Variants in MLIP observed in about 807,000 individuals in gnomAD.
MLIP encodes muscular LMNA-interacting protein.
In MLIP, 79 loss-of-function variants were observed where a neutral mutation model predicts 84.8. The observed-to-expected ratio is 0.93, with a 90% confidence interval of 0.78 to 1.12. The LOEUF (loss-of-function observed/expected upper bound fraction) is 1.12. Among genes scored for constraint, MLIP ranks in the 50% most tolerant of loss-of-function variants. The pLI is 0.00. For synonymous variants in MLIP, 504 were observed against 463.0 expected, an observed-to-expected ratio of 1.09 and a Z score of -1.14; for missense variants, 1,257 against 1,160.6, an observed-to-expected ratio of 1.08 and a Z score of -1.21.
At chr6:54,213,201 A>C (rs1779584372) in intron 11 of MLIP, among the ~76,000 whole-genome samples, 1 of 152,210 alleles carries the variant, frequency 6.6e-6, no homozygotes, top group Non-Finnish European at 1.5e-5. Flanking sequence ...GTATAAGAAA[A>C]TAATTTAGTT....
intron 11 of MLIP, chr6:54,217,681 A>T: frequency 4.1e-6 from 4 of 984,102 alleles, no homozygotes; most frequent in Non-Finnish European, 4.8e-6. Context: ...AGTTCTATGT[A>T]TACTGAAATT....
chr6:54,064,486 C>T (rs13191653), intron 1 of MLIP, among the ~76,000 whole-genome samples: 1 of 99,758 alleles, frequency 1.0e-5, no homozygotes, highest in Admixed American at 9.3e-5. Context: ...CAAGAATAAA[C>T]ATATCTCTTC....
chr6:54,211,285 C>CA (rs1225359094), intron 11 of MLIP, among the ~76,000 whole-genome samples: 2 of 152,014 alleles, frequency 1.3e-5, no homozygotes, highest in Non-Finnish European at 2.9e-5. Context: ...ATTTTATCTG[C>CA]AAAAGGAAAG....
chr6:54,124,512 C>T lies in MLIP; in HGVS notation c.292C>T (p.Gln98Ter), dbSNP rs2150443844. ...CTACTTGACCTTGAATGCTGGGAGC[C>T]AACAAGAGAGAGACCAAGCGAAATT... ...NDYLTLNAGS[Q>*]QERDQAKLTC... is the part of the protein sequence containing the mutation. The change falls in exon 3 of 14, where the codon CAA becomes TAA. Residue 98 changes from glutamine (Q) to a stop codon, truncating the protein, a stop_gained. Coordinates refer to ENST00000502396, the MANE Select transcript of MLIP (RefSeq NM_001281747.2). LOFTEE classifies it high-confidence loss of function. 3 of 1,614,052 alleles carry T rather than the reference C, an allele frequency of 1.9e-6. No individual in the cohort carries two copies. The highest frequency in any genetic ancestry group is 4.5e-5 in the East Asian group (2 of 44,882).
At chr6:54,089,615 G>A (rs1207066641) in intron 1 of MLIP, among the ~76,000 whole-genome samples, 1 of 152,062 alleles carries the variant, frequency 6.6e-6, no homozygotes, top group East Asian at 1.9e-4. Context: ...GAGCCTTTCA[G>A]CGACAAGAAT....
intron 1 of MLIP, among the ~76,000 whole-genome samples, chr6:54,026,996 T>C (rs1286320998): frequency 6.6e-6 from 1 of 152,244 alleles, no homozygotes; most frequent in African/African-American, 2.4e-5. Flanking sequence ...TCTCTGGCTG[T>C]GGATTTATTA....
At position 54,189,976 on chromosome 6, in the gene MLIP, G is replaced by A. The variant is rs1453114541; in HGVS notation, c.2589+62G>A. 3 of 1,120,824 alleles carry A rather than the reference G, an allele frequency of 2.7e-6. No individual in the cohort carries two copies. In the East Asian group the frequency reaches 7.2e-5, roughly 27 times the overall value. 69.4% of individuals were successfully genotyped at this position (1,120,824 alleles called of 1,614,324 possible). A position where few individuals can be genotyped will look rare whatever the true frequency, so the allele number is the denominator to read the frequency against. ...CTGATCTCTCAAGAGAGCTTTACCT[G>A]AGTAAAAGTGAAAAAAAGAATACAT... On this transcript the variant is annotated intron_variant, in intron 10 of 13. Coordinates refer to ENST00000502396, the MANE Select transcript of MLIP (RefSeq NM_001281747.2).
intron 1 of MLIP, among the ~76,000 whole-genome samples, chr6:54,021,607 A>C (rs1288875508): frequency 5.9e-5 from 9 of 152,208 alleles, no homozygotes; most frequent in Non-Finnish European, 1.0e-4. Context: ...CATCCAATAT[A>C]AATCTTATCT....
chr6:54,240,207 C>T (rs1781641733), intron 12 of MLIP, among the ~76,000 whole-genome samples: 1 of 152,186 alleles, frequency 6.6e-6, no homozygotes, highest in African/African-American at 2.4e-5. Context: ...GTAAAACTGT[C>T]ACATTCCAAC....
At chr6:54,126,138 C>T (rs1376171608) in intron 3 of MLIP, among the ~76,000 whole-genome samples, 3 of 151,604 alleles carry the variant, frequency 2.0e-5, no homozygotes, top group South Asian at 4.2e-4. Context: ...TCTTTCTTGC[C>T]TCAGAAAAGA....
chr6:54,047,257 A>G (rs1765116589), intron 1 of MLIP: 1 of 152,120 alleles, frequency 6.6e-6, no homozygotes, highest in South Asian at 2.1e-4. Context: ...GGCTACTAAG[A>G]GAGAGAGGAA....
chr6:54,229,809 GCTAT>G (rs1332129396), intron 11 of MLIP, among the ~76,000 whole-genome samples: 6 of 151,944 alleles, frequency 3.9e-5, no homozygotes, highest in African/African-American at 1.2e-4. Flanking sequence ...TTTACTAGAT[GCTAT>G]CTTTTTAAAA....
Position 54,265,843 on chromosome 6 carries a change from A to AT in MLIP, c.2977-100dup, listed in dbSNP as rs1209529791. ...AGCTTTTCCTATTGTAGTATAAACC[A>AT]TTTTTTTGTAGGAGATGCTATGCCC... On this transcript the variant is annotated intron_variant, in intron 13 of 13. Transcript: ENST00000502396. The AT allele has an allele frequency of 3.2e-5, 33 of 1,045,306 alleles. 1 individual carries two copies. The highest frequency in any genetic ancestry group is 1.8e-4 in the East Asian group (7 of 38,524). The allele number at this position is 1,045,306 out of a possible 1,614,324, so 64.8% of individuals were successfully genotyped here.
At chr6:54,200,508 A>T (rs1260355798) in intron 10 of MLIP, among the ~76,000 whole-genome samples, 2 of 152,146 alleles carry the variant, frequency 1.3e-5, no homozygotes, top group Non-Finnish European at 2.9e-5. Flanking sequence ...AAGTCAAATG[A>T]AAAAAAGAGA....
intron 11 of MLIP, among the ~76,000 whole-genome samples, chr6:54,213,093 A>C (rs1562064969): frequency 6.6e-6 from 1 of 152,236 alleles, no homozygotes; most frequent in Non-Finnish European, 1.5e-5. Flanking sequence ...TTTCATAATT[A>C]TAAAAGACTC....
chr6:54,095,537 T>A (rs992982777), intron 1 of MLIP, among the ~76,000 whole-genome samples: 1 of 152,144 alleles, frequency 6.6e-6, no homozygotes, highest in Admixed American at 6.5e-5. Context: ...TCCAATCCCT[T>A]TCTGACTCCT....
chr6:54,117,813 G>A (rs1770080124), intron 1 of MLIP, among the ~76,000 whole-genome samples: 1 of 151,774 alleles, frequency 6.6e-6, no homozygotes. Flanking sequence ...GGGCGTGTTG[G>A]CGGGCGCCTG....
intron 4 of MLIP, among the ~76,000 whole-genome samples, chr6:54,143,932 A>G (rs1772552257): frequency 6.6e-6 from 1 of 152,176 alleles, no homozygotes; most frequent in Non-Finnish European, 1.5e-5. Flanking sequence ...TAATAAAATG[A>G]AACAAAATTA....
chr6:54,261,078 C>T (rs1783352755), intron 13 of MLIP, among the ~76,000 whole-genome samples: 1 of 151,978 alleles, frequency 6.6e-6, no homozygotes, highest in African/African-American at 2.4e-5. Context: ...GAATATTTAA[C>T]ACCATACAGG....
Sources: allele counts gnomAD v4.1 joint callset (sites outside exome capture counted in the v4.1 genomes callset), GRCh38; gene constraint gnomAD v4.1.1; transcripts MANE v1.5; gene names NCBI Gene and HGNC (gene_info 2026-07-23, HGNC 2026-07-21).